The following CD163L1 variants were observed in gnomAD, a reference collection of about 807,000 sequenced individuals.
The protein encoded by CD163L1 is CD163 molecule like 1.
A neutral mutation model predicts 165.4 loss-of-function variants in CD163L1; 124 were observed. The observed-to-expected ratio is 0.75, with a 90% CI of 0.65 to 0.87. The LOEUF (loss-of-function observed/expected upper bound fraction) is 0.87, where lower values mean the gene tolerates loss of function less well. CD163L1 is among the 40% of genes least tolerant of loss of function. The pLI is 0.00. For synonymous variants in CD163L1, 585 were observed against 662.2 expected, an observed-to-expected ratio of 0.88 and a Z score of 1.79; for missense variants, 1,525 against 1,799.9, an observed-to-expected ratio of 0.85 and a Z score of 2.76.
At position 7,369,099 on chromosome 12, in the gene CD163L1, A is replaced by G; in HGVS notation, c.4040-134T>C. ...CTCCTGTGAATACTGGATGTCATTT[A>G]AAATATCAGTCAGAATCCTCTTGCT... On this transcript the variant is annotated intron_variant, in intron 15 of 19. Coordinates refer to ENST00000313599, the MANE Select transcript of CD163L1 (RefSeq NM_174941.6). The surrounding 1 kb of genome is among the most constrained non-coding windows in gnomAD (Gnocchi z 4.9). The G allele has an allele frequency of 9.0e-7, 1 of 1,105,866 alleles. No individual in the cohort carries two copies. The highest frequency in any genetic ancestry group is 1.3e-6 in the Non-Finnish European group (1 of 760,410). The allele number at this position is 1,105,866 out of a possible 1,614,324, so 68.5% of individuals were successfully genotyped here.
intron 4 of CD163L1, among the ~76,000 whole-genome samples, chr12:7,413,571 C>T (rs944715905): frequency 5.9e-5 from 9 of 152,228 alleles, no homozygotes; most frequent in African/African-American, 9.6e-5. Flanking sequence ...CTATGCATCT[C>T]GCCCCTGGGC....
At chr12:7,325,705 C>G in the CD163L1 span, among the ~76,000 whole-genome samples, 1 of 152,034 alleles carries the variant, frequency 6.6e-6, no homozygotes, top group Non-Finnish European at 1.5e-5. Flanking sequence ...GTCTCATGAG[C>G]CTATTTAGGA....
the CD163L1 span, chr12:7,328,160 A>G: frequency 5.7e-5 from 36 of 635,972 alleles, no homozygotes; most frequent in African/African-American, 5.1e-4. Context: ...ATGAAATTCA[A>G]TGAGCTTAGG....
In CD163L1 at chr12:7,369,664, A is replaced by G. The variant is rs1947105816; in HGVS notation, c.3732T>C (p.Asp1244=). 1.1e-5 allele frequency: 18 copies of G among 1,608,304 alleles called. No individual in the cohort carries two copies. Among genetic ancestry groups the G allele is most frequent in the Non-Finnish European group, 1.5e-5 (18 of 1,175,386 alleles). The change falls in exon 15 of 20, where the codon GAT becomes GAC. Residue 1244 remains aspartate, a splice_region_variant and synonymous_variant. Transcript: ENST00000313599. The surrounding 1 kb of genome is among the most constrained non-coding windows in gnomAD (Gnocchi z 4.9). ...PAEETWITCE[D]RIRVRGGDTE... is the part of the protein sequence containing the mutation. ...TGTCTCCTCCACGCACTCTTATTCT[A>G]TCTACAAAGGCACAAAACATGGCTG...
In CD163L1 at chr12:7,368,070, C is replaced by G. The variant is rs1335476088; in HGVS notation, c.4183+17G>C. 2.8e-6 allele frequency: 4 copies of G among 1,446,104 alleles called. No individual in the cohort carries two copies. Among genetic ancestry groups the G allele is most frequent in the Non-Finnish European group, 3.9e-6 (4 of 1,027,316 alleles). The allele number at this position is 1,446,104 out of a possible 1,614,324, so 89.6% of individuals were successfully genotyped here. Reference sequence around the variant, plus strand: ...GCAGGTAACTCACATTTTATACAATCCTAGTGGGGCTCTCACCTCTGAGGG... The same window carrying G: ...GCAGGTAACTCACATTTTATACAATGCTAGTGGGGCTCTCACCTCTGAGGG... On this transcript the variant is annotated intron_variant, in intron 17 of 19. Transcript: ENST00000313599. The surrounding 1 kb of genome is among the most constrained non-coding windows in gnomAD (Gnocchi z 4.3).
At chr12:7,324,757 G>A in the CD163L1 span, among the ~76,000 whole-genome samples, 2 of 151,848 alleles carry the variant, frequency 1.3e-5, no homozygotes, top group African/African-American at 4.8e-5. Flanking sequence ...TTTACAATAA[G>A]TTGTGTCCCA....
At chr12:7,367,855 C>T (rs1947055672) in intron 17 of CD163L1, among the ~76,000 whole-genome samples, 1 of 152,232 alleles carries the variant, frequency 6.6e-6, no homozygotes, top group Non-Finnish European at 1.5e-5. Flanking sequence ...CTATCTGACT[C>T]ATCGTCTGTA....
At chr12:7,417,387 A>G (rs1011774737) in intron 4 of CD163L1, among the ~76,000 whole-genome samples, 5 of 152,116 alleles carry the variant, frequency 3.3e-5, no homozygotes, top group African/African-American at 1.2e-4. Flanking sequence ...CTCTCCTTCT[A>G]TTTGAATACC....
In CD163L1 at chr12:7,403,530, C is replaced by A. The variant is rs1164065476; in HGVS notation, c.1408+5G>T. On this transcript the variant is annotated splice_donor_5th_base_variant and intron_variant, in intron 6 of 19. Coordinates refer to ENST00000313599, the MANE Select transcript of CD163L1 (RefSeq NM_174941.6). Reference sequence around the variant, plus strand: ...GTGTACACTCTCATGATCTTTGAACCTTACCAGAACAAATTACTCCAGCAT... The same window carrying A: ...GTGTACACTCTCATGATCTTTGAACATTACCAGAACAAATTACTCCAGCAT... 1 of 1,606,754 alleles carries A rather than the reference C, an allele frequency of 6.2e-7. No homozygotes were observed.
At chr12:7,404,894 T>G (rs1050698138) in intron 5 of CD163L1, among the ~76,000 whole-genome samples, 55 of 152,126 alleles carry the variant, frequency 3.6e-4, no homozygotes, top group African/African-American at 1.3e-3. Flanking sequence ...ATCTGCAACT[T>G]GGAGATTGAT....
chr12:7,387,881 A>G (rs7485324), intron 8 of CD163L1, among the ~76,000 whole-genome samples: 15,493 of 152,186 alleles, frequency 0.1, 1,389 homozygotes, highest in African/African-American at 0.23. Flanking sequence ...TTCAAAATAC[A>G]CTACAAAGCT....
intron 18 of CD163L1, among the ~76,000 whole-genome samples, chr12:7,359,819 C>A (rs1946854990): frequency 6.6e-6 from 1 of 152,118 alleles, no homozygotes; most frequent in East Asian, 1.9e-4. Context: ...CAGTTCTTTT[C>A]ATTTAGCACT....
chr12:7,356,581 A>G (rs901683441), intron 19 of CD163L1, among the ~76,000 whole-genome samples: 1 of 152,124 alleles, frequency 6.6e-6, no homozygotes, highest in African/African-American at 2.4e-5. Context: ...CTACGCAGAA[A>G]TGCTGTTTTC....
At chr12:7,329,573 A>G in the CD163L1 span, among the ~76,000 whole-genome samples, 1 of 152,168 alleles carries the variant, frequency 6.6e-6, no homozygotes, top group African/African-American at 2.4e-5. Context: ...AAAGCTAAGC[A>G]AATTTTCTAA....
At position 7,432,292 on chromosome 12, in the gene CD163L1, G is replaced by T; in HGVS notation, c.766+124C>A. 2.8e-6 allele frequency: 2 copies of T among 715,740 alleles called. No individual in the cohort carries two copies. The highest frequency in any genetic ancestry group is 1.8e-5 in the African/African-American group (1 of 56,158). The allele number at this position is 715,740 out of a possible 1,614,324, so 44.3% of individuals were successfully genotyped here. On this transcript the variant is annotated intron_variant, in intron 4 of 19. Transcript: ENST00000313599. This position sits in a 1 kb window ranked among gnomAD's most constrained non-coding sequence, Gnocchi z 4.2. ...AACTCCAGAATGGAGCAATTTCAGG[G>T]TAACAAAAATGTGTTATAACCAGAG...
chr12:7,358,659 C>A (rs890843197), intron 18 of CD163L1, among the ~76,000 whole-genome samples: 31 of 152,080 alleles, frequency 2.0e-4, no homozygotes, highest in African/African-American at 7.2e-4. Flanking sequence ...TACCTCAATT[C>A]TTTGTGTCCA....
At chr12:7,362,428 T>C (rs1946917722) in intron 18 of CD163L1, among the ~76,000 whole-genome samples, 1 of 137,610 alleles carries the variant, frequency 7.3e-6, no homozygotes, top group Non-Finnish European at 1.5e-5. Flanking sequence ...ATTTATATCA[T>C]ATACCATATA....
chr12:7,411,588 G>A (rs1174987451), intron 4 of CD163L1, among the ~76,000 whole-genome samples: 3 of 152,160 alleles, frequency 2.0e-5, no homozygotes, highest in Non-Finnish European at 4.4e-5. Flanking sequence ...GTGATATGCT[G>A]ACTTCCCCTT....
the CD163L1 span, among the ~76,000 whole-genome samples, chr12:7,336,646 C>T: frequency 1.3e-5 from 2 of 151,838 alleles, no homozygotes; most frequent in African/African-American, 4.8e-5. Context: ...TACCCTAAAA[C>T]TTAAAGTATA....
Sources: gnomAD v4.1 joint callset for allele counts (sites outside exome capture counted in the v4.1 genomes callset) on GRCh38, gnomAD v4.1.1 for gene constraint, Gnocchi (gnomAD v3.1) non-coding constraint, MANE v1.5 for transcripts, NCBI Gene and HGNC (gene_info 2026-07-23, HGNC 2026-07-21) for gene names.